The following VEPH1 variants were observed in gnomAD, a reference collection of about 807,000 sequenced individuals.
The protein encoded by VEPH1 is ventricular zone-expressed PH domain-containing protein homolog 1.
A neutral mutation model predicts 85.2 loss-of-function variants in VEPH1; 80 were observed. That is an observed-to-expected ratio of 0.94 (90% confidence interval 0.78 to 1.13). The LOEUF is 1.13. Ranked by LOEUF, VEPH1 falls within the 50% of genes most tolerant of loss-of-function variation. VEPH1 has a pLI of 0.00. For synonymous variants in VEPH1, 297 were observed against 348.0 expected, an observed-to-expected ratio of 0.85 and a Z score of 1.63; for missense variants, 955 against 980.5, an observed-to-expected ratio of 0.97 and a Z score of 0.35.
In VEPH1 at chr3:157,474,154, C is replaced by A. The variant is rs183069032; in HGVS notation, c.139-3625G>T. ...CTCTATAATCTTACTTATTATTTGACCTTACAGTGGCTCAACAGAAGTGAA... is the reference window on the plus strand; with the variant it reads ...CTCTATAATCTTACTTATTATTTGAACTTACAGTGGCTCAACAGAAGTGAA... On this transcript the variant is annotated intron_variant, in intron 2 of 13. Transcript: ENST00000362010. Among the ~76,000 whole-genome samples the A allele has an allele frequency of 3.8e-3, 584 of 152,126 alleles. 3 individuals are homozygous for A. The highest frequency in any genetic ancestry group is 5.6e-3 in the Non-Finnish European group (380 of 67,982).
At chr3:157,262,103 A>G (rs771806934) in intron 13 of VEPH1, among the ~76,000 whole-genome samples, 1 of 152,036 alleles carries the variant, frequency 6.6e-6, no homozygotes, top group Non-Finnish European at 1.5e-5. Flanking sequence ...TCCTGTTGCA[A>G]TCACCCTCCT....
chr3:157,288,421 A>G (rs1717053521), intron 11 of VEPH1, among the ~76,000 whole-genome samples: 1 of 152,232 alleles, frequency 6.6e-6, no homozygotes. Flanking sequence ...TGCATCCCAA[A>G]GCTCCTAATT....
intron 4 of VEPH1, among the ~76,000 whole-genome samples, chr3:157,453,373 C>G (rs933649780): frequency 6.6e-6 from 1 of 151,868 alleles, no homozygotes; most frequent in African/African-American, 2.4e-5. Context: ...TAAAATACTA[C>G]TAACTGGTAA....
chr3:157,425,633 T>A (rs1395978239), intron 5 of VEPH1, among the ~76,000 whole-genome samples: 1 of 152,222 alleles, frequency 6.6e-6, no homozygotes, highest in Non-Finnish European at 1.5e-5. Context: ...TGCCTGTATC[T>A]AGGAAGTAAC....
At chr3:157,384,141 T>G (rs1183838827) in intron 6 of VEPH1, among the ~76,000 whole-genome samples, 1 of 152,122 alleles carries the variant, frequency 6.6e-6, no homozygotes, top group Non-Finnish European at 1.5e-5. Flanking sequence ...ATGTATAGTG[T>G]GTTAGATGGA....
chr3:157,271,944 A>T (rs1714612184), intron 12 of VEPH1, among the ~76,000 whole-genome samples: 1 of 152,244 alleles, frequency 6.6e-6, no homozygotes, highest in Non-Finnish European at 1.5e-5. Flanking sequence ...GTAAGTGGTA[A>T]TATCAGCCAT....
chr3:157,321,982 C>T (rs1721404855), intron 9 of VEPH1, among the ~76,000 whole-genome samples: 1 of 151,904 alleles, frequency 6.6e-6, no homozygotes. Flanking sequence ...AAATTTAAAC[C>T]ATTTTTAGGT....
chr3:157,323,523 C>A (rs537416282), intron 9 of VEPH1, among the ~76,000 whole-genome samples: 31 of 152,290 alleles, frequency 2.0e-4, no homozygotes, highest in African/African-American at 7.2e-4. Flanking sequence ...AATATGTGTT[C>A]CCTTTACAGC....
At chr3:157,419,655 TAA>T (rs1732184438) in intron 5 of VEPH1, among the ~76,000 whole-genome samples, 1 of 152,122 alleles carries the variant, frequency 6.6e-6, no homozygotes, top group Non-Finnish European at 1.5e-5. Context: ...TAGTGATTAC[TAA>T]AAAGTCAAGA....
At chr3:157,419,474 G>T (rs768298621) in intron 5 of VEPH1, among the ~76,000 whole-genome samples, 4 of 151,946 alleles carry the variant, frequency 2.6e-5, no homozygotes, top group Non-Finnish European at 5.9e-5. Flanking sequence ...ACATTTACAA[G>T]AAAACAAACA....
intron 3 of VEPH1, among the ~76,000 whole-genome samples, chr3:157,469,817 G>A (rs1256736404): frequency 6.6e-6 from 1 of 152,166 alleles, no homozygotes. Context: ...ATTTATACCA[G>A]AGGAAATAAT....
chr3:157,488,636 G>A (rs1738899186), intron 2 of VEPH1, among the ~76,000 whole-genome samples: 1 of 150,932 alleles, frequency 6.6e-6, no homozygotes, highest in Non-Finnish European at 1.5e-5. Context: ...CTCCCTTGGT[G>A]ATCTCGCTCA....
At chr3:157,361,517 A>G (rs6441125) in intron 9 of VEPH1, among the ~76,000 whole-genome samples, 41,596 of 152,134 alleles carry the variant, frequency 0.27, 6,138 homozygotes, top group African/African-American at 0.38. Flanking sequence ...TTCTTCAACT[A>G]TTTTTCTTTC....
At chr3:157,457,457 C>A (rs548868458) in intron 4 of VEPH1, among the ~76,000 whole-genome samples, 1 of 152,248 alleles carries the variant, frequency 6.6e-6, no homozygotes, top group East Asian at 1.9e-4. Context: ...TTGTCTTGTG[C>A]CAGTTTTCAG....
In VEPH1 at chr3:157,342,941, G is replaced by A. The variant is rs933193177; in HGVS notation, c.1735+20423C>T. ...CCTGAATGACTACTGGGTACACAAC[G>A]AAATGAAGGCAGAAATAAAGATGTT... On this transcript the variant is annotated intron_variant, in intron 9 of 13. Transcript: ENST00000362010. Among the ~76,000 whole-genome samples the A allele has an allele frequency of 2.6e-5, 4 of 152,124 alleles. No individual in the cohort carries two copies. In the East Asian group the frequency reaches 5.8e-4, roughly 22 times the overall value.
chr3:157,327,037 A>G (rs1721981357), intron 9 of VEPH1, among the ~76,000 whole-genome samples: 1 of 152,180 alleles, frequency 6.6e-6, no homozygotes, highest in African/African-American at 2.4e-5. Flanking sequence ...AGTAGACTGC[A>G]GAGAGAATTG....
At chr3:157,265,732 G>A in intron 12 of VEPH1, 70 bp from the exon 13 acceptor site, 1 of 1,547,998 alleles carries the variant, frequency 6.5e-7, no homozygotes, top group Non-Finnish European at 8.8e-7. Flanking sequence ...TCAAAAGTCA[G>A]AACTGTACAG....
chr3:157,323,277 A>T (rs1206872179), intron 9 of VEPH1, among the ~76,000 whole-genome samples: 2 of 152,240 alleles, frequency 1.3e-5, no homozygotes, highest in Non-Finnish European at 2.9e-5. Flanking sequence ...AATTTGAAAT[A>T]ACTGTTTGAA....
chr3:157,475,841 T>G (rs4680370), intron 2 of VEPH1, among the ~76,000 whole-genome samples: 35,082 of 152,204 alleles, frequency 0.23, 4,390 homozygotes, highest in South Asian at 0.35. Context: ...GCCATGCACC[T>G]GATCGTTAAT....
Sources: gnomAD v4.1 joint callset for allele counts (sites outside exome capture counted in the v4.1 genomes callset) on GRCh38, gnomAD v4.1.1 for gene constraint, MANE v1.5 for transcripts, NCBI Gene and HGNC (gene_info 2026-07-23, HGNC 2026-07-21) for gene names.